Variants in RGS6 observed in about 807,000 individuals in gnomAD.
The protein encoded by RGS6 is regulator of G-protein signaling 6.
RGS6 carries 30 observed loss-of-function variants against 78.5 expected under a neutral mutation model. The ratio of observed to expected loss-of-function variants is 0.38; its 90% CI spans 0.29 to 0.52. The LOEUF is 0.52. Among genes scored for constraint, RGS6 ranks in the 20% least tolerant of loss-of-function variants. The pLI, the probability that RGS6 is intolerant of heterozygous loss-of-function variation, is 0.85. For missense variants in RGS6, 495 were observed against 609.7 expected, an observed-to-expected ratio of 0.81 and a Z score of 1.98; for synonymous variants, 206 against 206.0, an observed-to-expected ratio of 1.00 and a Z score of 0.00.
intron 2 of RGS6, among the ~76,000 whole-genome samples, chr14:71,979,370 G>A (rs1320215237): frequency 2.7e-5 from 4 of 147,014 alleles, no homozygotes; most frequent in African/African-American, 5.0e-5. Flanking sequence ...TGTCAATTTT[G>A]GATCTTTCCT....
chr14:72,397,981 G>A (rs1211570869), intron 3 of RGS6, among the ~76,000 whole-genome samples: 1 of 152,042 alleles, frequency 6.6e-6, no homozygotes, highest in East Asian at 1.9e-4. Context: ...TTTTGCATCG[G>A]TGTTCATCAA....
chr14:72,358,655 CA>C (rs2080856608), intron 3 of RGS6, among the ~76,000 whole-genome samples: 1 of 152,360 alleles, frequency 6.6e-6, no homozygotes, highest in Admixed American at 6.5e-5. Flanking sequence ...CCTGTACCCA[CA>C]TTGCATTTAG....
At chr14:72,457,229 T>A (rs2095656397) in intron 4 of RGS6, among the ~76,000 whole-genome samples, 1 of 152,216 alleles carries the variant, frequency 6.6e-6, no homozygotes, top group African/African-American at 2.4e-5. Context: ...AACATTGCAT[T>A]GTATTCAACT....
the RGS6 span, among the ~76,000 whole-genome samples, chr14:72,628,026 G>A: frequency 2.6e-5 from 4 of 151,894 alleles, no homozygotes; most frequent in African/African-American, 9.7e-5. Context: ...ATTCTCTAAG[G>A]TTTTCCAGAT....
At chr14:72,301,290 G>A (rs534134272) in intron 2 of RGS6, among the ~76,000 whole-genome samples, 14 of 152,300 alleles carry the variant, frequency 9.2e-5, no homozygotes, top group Middle Eastern at 3.4e-3. Context: ...GATGGGTTTC[G>A]TAGTGAAGTA....
chr14:72,034,712 T>C (rs995618400), intron 2 of RGS6, among the ~76,000 whole-genome samples: 6 of 152,176 alleles, frequency 3.9e-5, no homozygotes, highest in Non-Finnish European at 5.9e-5. Context: ...TTTTCAATTT[T>C]TTTGTAAGAG....
At chr14:72,529,256 C>T (rs2047438575) in intron 15 of RGS6, among the ~76,000 whole-genome samples, 1 of 152,156 alleles carries the variant, frequency 6.6e-6, no homozygotes, top group African/African-American at 2.4e-5. Context: ...GAGAGATCCG[C>T]AGAGGTTCTC....
chr14:72,271,119 C>T (rs868271769), intron 2 of RGS6, among the ~76,000 whole-genome samples: 1 of 152,126 alleles, frequency 6.6e-6, no homozygotes, highest in African/African-American at 2.4e-5. Context: ...AATATTGTAC[C>T]TCATTAATAT....
intron 16 of RGS6, among the ~76,000 whole-genome samples, chr14:72,539,603 C>T (rs757113508): frequency 6.6e-5 from 10 of 152,318 alleles, no homozygotes; most frequent in Non-Finnish European, 1.2e-4. Flanking sequence ...GCTCTCAGAG[C>T]CAGTCTGTTC....
intron 17 of RGS6, among the ~76,000 whole-genome samples, chr14:72,555,907 T>C (rs2153541680): frequency 6.6e-6 from 1 of 152,300 alleles, no homozygotes; most frequent in South Asian, 2.1e-4. Context: ...GTGTACCTAG[T>C]GGGGGACCAT....
At chr14:71,944,464 A>G (rs543649438) in intron 1 of RGS6, among the ~76,000 whole-genome samples, 1 of 152,304 alleles carries the variant, frequency 6.6e-6, no homozygotes, top group East Asian at 1.9e-4. Context: ...CAGAGACCCT[A>G]CCCTTGAGAT....
At chr14:71,981,338 C>A (rs921077972) in intron 2 of RGS6, among the ~76,000 whole-genome samples, 1 of 152,192 alleles carries the variant, frequency 6.6e-6, no homozygotes, top group African/African-American at 2.4e-5. Flanking sequence ...GAGAGGCGCT[C>A]TGCTTTTTAG....
At chr14:72,330,885 C>G (rs1021672374) in intron 2 of RGS6, among the ~76,000 whole-genome samples, 7 of 152,128 alleles carry the variant, frequency 4.6e-5, no homozygotes, top group Admixed American at 2.0e-4. Flanking sequence ...TCTTCCCAGA[C>G]AAGCTGCACG....
chr14:72,058,060 G>A (rs1191365441), intron 2 of RGS6, among the ~76,000 whole-genome samples: 1 of 149,978 alleles, frequency 6.7e-6, no homozygotes, highest in Non-Finnish European at 1.5e-5. Context: ...CTATCATATT[G>A]TCAGTTTATG....
chr14:72,092,894 T>TCCTACTTTA (rs2095311256), intron 2 of RGS6, among the ~76,000 whole-genome samples: 1 of 152,200 alleles, frequency 6.6e-6, no homozygotes, highest in Non-Finnish European at 1.5e-5. Flanking sequence ...TTTTCATTTT[T>TCCTACTTTA]CCTAGTTTTT....
intron 2 of RGS6, among the ~76,000 whole-genome samples, chr14:72,277,007 T>C (rs904836000): frequency 2.0e-5 from 3 of 152,224 alleles, no homozygotes; most frequent in Non-Finnish European, 2.9e-5. Context: ...CACTGATTTC[T>C]CCTAAGTGCC....
intron 2 of RGS6, among the ~76,000 whole-genome samples, chr14:71,988,090 T>A (rs75086912): frequency 0.046 from 6,980 of 152,138 alleles, 548 homozygotes; most frequent in African/African-American, 0.16. Context: ...AGTGATAGTG[T>A]TGGTGGCCAA....
intron 2 of RGS6, among the ~76,000 whole-genome samples, chr14:71,988,776 G>A (rs1244665808): frequency 3.3e-5 from 5 of 152,142 alleles, no homozygotes; most frequent in East Asian, 1.9e-4. Flanking sequence ...ATGTGGTGCT[G>A]ATTTATTTCC....
the RGS6 span, among the ~76,000 whole-genome samples, chr14:71,900,552 G>A: frequency 3.3e-5 from 5 of 151,930 alleles, no homozygotes; most frequent in Non-Finnish European, 7.4e-5. Flanking sequence ...TACTTATTCT[G>A]TTATCTTGAA....
Sources: allele counts gnomAD v4.1 joint callset (sites outside exome capture counted in the v4.1 genomes callset), GRCh38; gene constraint gnomAD v4.1.1; transcripts MANE v1.5; gene names NCBI Gene and HGNC (gene_info 2026-07-23, HGNC 2026-07-21).